TAFA4: variants seen among roughly 807,000 people sequenced by gnomAD.
TAFA4 encodes TAFA chemokine like family member 4.
TAFA4 carries 20 observed loss-of-function variants against 21.1 expected under a neutral mutation model. That is an observed-to-expected ratio of 0.95 (90% confidence interval 0.67 to 1.38). The LOEUF is 1.38. Among genes scored for constraint, TAFA4 ranks in the 40% most tolerant of loss-of-function variants. The probability of loss-of-function intolerance (pLI) is 0.00; values close to 1 mark genes in which losing one functional copy is unlikely to be tolerated. For synonymous variants in TAFA4, 71 were observed against 67.4 expected (o/e 1.05, Z -0.26); for missense variants, 211 against 180.9 (o/e 1.17, Z -0.95).
chr3:68,815,822 C>G (rs940515902), intron 3 of TAFA4, among the ~76,000 whole-genome samples: 1 of 152,044 alleles, frequency 6.6e-6, no homozygotes, highest in Admixed American at 6.6e-5. Context: ...GGGTATATAC[C>G]CAAAGGACTA....
At position 68,880,791 on chromosome 3, in the gene TAFA4, G is replaced by A. The variant is rs370734050; in HGVS notation, c.69C>T (p.Tyr23=). ...TCAGCTTACAGCACACCATTAACAC[G>A]TAGGCTAGAAAGAGCCAGTGCGACA... ...VLLSHWLFLA[Y]VLMVCCKLMS... The change falls in exon 3 of 6, where the codon TAC becomes TAT. Residue 23 remains tyrosine, a synonymous_variant. Coordinates refer to ENST00000295569, the MANE Select transcript of TAFA4 (RefSeq NM_182522.5). The A allele has an allele frequency of 3.9e-5, 63 of 1,613,738 alleles. No homozygotes were observed. The highest frequency in any genetic ancestry group is 6.7e-5 in the East Asian group (3 of 44,854).
intron 3 of TAFA4, among the ~76,000 whole-genome samples, chr3:68,804,008 G>A (rs1391678932): frequency 1.3e-5 from 2 of 151,644 alleles, no homozygotes; most frequent in South Asian, 2.1e-4. Flanking sequence ...GGCTGGTCTC[G>A]AACTCCTGAC....
At chr3:68,827,718 CT>C (rs1704283524) in intron 3 of TAFA4, among the ~76,000 whole-genome samples, 1 of 152,136 alleles carries the variant, frequency 6.6e-6, no homozygotes, top group Non-Finnish European at 1.5e-5. Context: ...CCCTTGCCCA[CT>C]TTTTAACGGG....
chr3:68,825,444 T>G (rs1043661630), intron 3 of TAFA4, among the ~76,000 whole-genome samples: 1 of 152,248 alleles, frequency 6.6e-6, no homozygotes, highest in Admixed American at 6.5e-5. Flanking sequence ...AATTATTCTA[T>G]TATAAAGATA....
intron 4 of TAFA4, among the ~76,000 whole-genome samples, chr3:68,743,952 C>CAGA: frequency 6.6e-6 from 1 of 152,084 alleles, no homozygotes; most frequent in Non-Finnish European, 1.5e-5. Flanking sequence ...CAGATTGGTT[C>CAGA]CAAGTGGATA....
In TAFA4 at chr3:68,733,005, T is replaced by TCTCACAGCTCA. The variant is rs1453689655; in HGVS notation, c.*126_*136dup. 3.6e-6 allele frequency: 4 copies of TCTCACAGCTCA among 1,117,122 alleles called. No homozygotes were observed. Among genetic ancestry groups the TCTCACAGCTCA allele is most frequent in the Non-Finnish European group, 5.1e-6 (4 of 777,266 alleles). The allele number at this position is 1,117,122 out of a possible 1,614,324, so 69.2% of individuals were successfully genotyped here. On this transcript the variant is annotated 3_prime_UTR_variant, in exon 6 of 6. Coordinates refer to ENST00000295569, the MANE Select transcript of TAFA4 (RefSeq NM_182522.5). The stretch of plus-strand genomic sequence containing the variant: ...CTGGGCCAGTTAAGTGAATGCCACC[T>TCTCACAGCTCA]CTCACAGCTCACATATACAAATATG...
intron 3 of TAFA4, among the ~76,000 whole-genome samples, chr3:68,847,890 G>C (rs1704846594): frequency 6.6e-6 from 1 of 152,180 alleles, no homozygotes; most frequent in African/African-American, 2.4e-5. Context: ...CAAAGGTTAA[G>C]TGAAATAAAT....
intron 3 of TAFA4, among the ~76,000 whole-genome samples, chr3:68,866,628 T>A (rs1399511758): frequency 1.2e-5 from 1 of 80,900 alleles, no homozygotes; most frequent in South Asian, 4.3e-4. Flanking sequence ...AGCTCTCAGA[T>A]CAAGGATTCA....
intron 3 of TAFA4, among the ~76,000 whole-genome samples, chr3:68,847,075 C>G (rs534065395): frequency 1.1e-4 from 17 of 152,326 alleles, no homozygotes; most frequent in African/African-American, 3.1e-4. Flanking sequence ...CTCTTCAGAG[C>G]CAGCAGGCAG....
chr3:68,854,209 C>T (rs1427135163), intron 3 of TAFA4, among the ~76,000 whole-genome samples: 1 of 151,872 alleles, frequency 6.6e-6, no homozygotes. Context: ...AAAGAGGGCT[C>T]CAGGTGGAGG....
At chr3:68,780,428 T>G (rs912826171) in intron 3 of TAFA4, among the ~76,000 whole-genome samples, 1 of 152,166 alleles carries the variant, frequency 6.6e-6, no homozygotes, top group East Asian at 1.9e-4. Flanking sequence ...TCAATTCCCA[T>G]GTAGTGGGGG....
chr3:68,814,927 C>T (rs568259165), intron 3 of TAFA4, among the ~76,000 whole-genome samples: 2 of 152,272 alleles, frequency 1.3e-5, no homozygotes, highest in South Asian at 2.1e-4. Context: ...TACAAGGCTA[C>T]AGTAACCAAA....
chr3:68,732,903 G>T lies in TAFA4; in HGVS notation c.*239C>A. The T allele has an allele frequency of 3.8e-6, 2 of 521,242 alleles. No individual in the cohort carries two copies. The highest frequency in any genetic ancestry group is 6.8e-6 in the Non-Finnish European group (2 of 294,722). 32.3% of individuals were successfully genotyped at this position (521,242 alleles called of 1,614,324 possible). A position where few individuals can be genotyped will look rare whatever the true frequency, so the allele number is the denominator to read the frequency against. Reference sequence around the variant, plus strand: ...TCGGATTTTGGAGGTATGCTCCTTGGGAATCCAGAGAGGATGTCAAATGGG... The same window carrying T: ...TCGGATTTTGGAGGTATGCTCCTTGTGAATCCAGAGAGGATGTCAAATGGG... On this transcript the variant is annotated 3_prime_UTR_variant, in exon 6 of 6. Transcript: ENST00000295569.
intron 5 of TAFA4, among the ~76,000 whole-genome samples, chr3:68,735,515 C>CTT (rs1288390072): frequency 6.6e-6 from 1 of 152,112 alleles, no homozygotes; most frequent in Admixed American, 6.6e-5. Flanking sequence ...CTATCCCAGA[C>CTT]TTACTACACC....
chr3:68,855,229 C>A (rs1432414828), intron 3 of TAFA4, among the ~76,000 whole-genome samples: 1 of 152,098 alleles, frequency 6.6e-6, no homozygotes, highest in Non-Finnish European at 1.5e-5. Context: ...AAAATACAAT[C>A]TAGATTACTT....
At chr3:68,906,000 C>T (rs2089897159) in intron 1 of TAFA4, among the ~76,000 whole-genome samples, 1 of 152,132 alleles carries the variant, frequency 6.6e-6, no homozygotes, top group Non-Finnish European at 1.5e-5. Context: ...CTGCCTGAGT[C>T]CCAGGGCATT....
chr3:68,800,874 C>T (rs1339808412), intron 3 of TAFA4, among the ~76,000 whole-genome samples: 1 of 152,124 alleles, frequency 6.6e-6, no homozygotes, highest in Admixed American at 6.6e-5. Context: ...GAAAATGAGG[C>T]TAAGGAAAAG....
chr3:68,776,524 G>A (rs1054617313), intron 3 of TAFA4, among the ~76,000 whole-genome samples: 1 of 152,124 alleles, frequency 6.6e-6, no homozygotes, highest in Non-Finnish European at 1.5e-5. Context: ...CAAAAGTGTT[G>A]GAACTAAAGG....
intron 1 of TAFA4, among the ~76,000 whole-genome samples, chr3:68,931,728 T>G (rs1373471171): frequency 8.0e-6 from 1 of 125,100 alleles, no homozygotes. Context: ...GAGCGCTCGC[T>G]GCGCCCTTCA....
Sources: gnomAD v4.1 joint callset for allele counts (sites outside exome capture counted in the v4.1 genomes callset) on GRCh38, gnomAD v4.1.1 for gene constraint, MANE v1.5 for transcripts, NCBI Gene and HGNC (gene_info 2026-07-23, HGNC 2026-07-21) for gene names.